FAM114A2: variants seen among roughly 807,000 people sequenced by gnomAD.
The protein encoded by FAM114A2 is protein FAM114A2.
In FAM114A2, 53 loss-of-function variants were observed where a neutral mutation model predicts 58.4. That is an observed-to-expected ratio of 0.91 (90% CI 0.73 to 1.14). The LOEUF is 1.14. Ranked by LOEUF, FAM114A2 falls within the 50% of genes most tolerant of loss-of-function variation. FAM114A2 has a pLI of 0.00. For missense variants in FAM114A2, 601 were observed against 581.1 expected (o/e 1.03, Z -0.35); for synonymous variants, 228 against 211.4 (o/e 1.08, Z -0.68).
rs1033579178 is a variant in FAM114A2, at chr5:153,991,265, T to C, written c.*1711A>G. 2.0e-5 allele frequency: 3 copies of C among 152,140 alleles called. No homozygotes were observed. The highest frequency in any genetic ancestry group is 3.2e-3 in the Middle Eastern group (1 of 316). 9.4% of individuals were successfully genotyped at this position (152,140 alleles called of 1,614,324 possible). On this transcript the variant is annotated 3_prime_UTR_variant, in exon 14 of 14. Transcript: ENST00000351797. ...CATTTCTTGAAAGAAAAACCTTAAA[T>C]ACATTTCTAGGTTAAGGATTTAAAG...
At chr5:153,995,226 T>C (rs1769480696) in intron 12 of FAM114A2, 2 of 329,188 alleles carry the variant, frequency 6.1e-6, no homozygotes, top group Non-Finnish European at 5.6e-6. Context: ...TTAAAAAGTA[T>C]CTTCATTTGA....
intron 9 of FAM114A2, among the ~76,000 whole-genome samples, chr5:154,008,441 CA>C (rs1272542138): frequency 6.6e-6 from 1 of 152,052 alleles, no homozygotes; most frequent in Non-Finnish European, 1.5e-5. Flanking sequence ...CAAAATTCTC[CA>C]AAATTTGAAA....
rs751803137 is a variant in FAM114A2 at position 154,033,898 on chromosome 5, A to G, written c.311-15T>C. ...AATGCCTTGTCCTAATGAGAAAAAT[A>G]ACTTTTTTTTTTGCTATTTGTCACC... On this transcript the variant is annotated splice_polypyrimidine_tract_variant and intron_variant, in intron 3 of 13. Coordinates refer to ENST00000351797, the MANE Select transcript of FAM114A2 (RefSeq NM_018691.4). 3 of 1,560,340 alleles carry G rather than the reference A, an allele frequency of 1.9e-6. No homozygotes were observed. Among genetic ancestry groups the G allele is most frequent in the Non-Finnish European group, 2.6e-6 (3 of 1,142,324 alleles).
chr5:154,027,130 T>C, intron 7 of FAM114A2, 46 bp downstream of exon 7: 1 of 1,510,232 alleles, frequency 6.6e-7, no homozygotes, highest in Non-Finnish European at 9.0e-7. Flanking sequence ...TGCAGCATTC[T>C]TTTACTTGAA....
chr5:154,023,798 C>T (rs958718655), intron 8 of FAM114A2, among the ~76,000 whole-genome samples: 4 of 151,696 alleles, frequency 2.6e-5, no homozygotes, highest in Non-Finnish European at 5.9e-5. Context: ...TTGAAAAAAA[C>T]AGAAGACAAA....
intron 8 of FAM114A2, among the ~76,000 whole-genome samples, chr5:154,015,767 GA>G (rs1038362311): frequency 6.6e-6 from 1 of 151,922 alleles, no homozygotes; most frequent in African/African-American, 2.4e-5. Context: ...TCCAAACCAA[GA>G]AGAAATCCCT....
chr5:154,035,004 C>T, intron 1 of FAM114A2, 37 bp from the exon 2 acceptor site: 1 of 1,272,982 alleles, frequency 7.9e-7, no homozygotes, highest in Non-Finnish European at 1.1e-6. Context: ...TTTATATAGG[C>T]TTCTTTGGTA....
chr5:154,015,328 A>ATAGTGCAT (rs2113352430), intron 8 of FAM114A2, among the ~76,000 whole-genome samples: 1 of 152,308 alleles, frequency 6.6e-6, no homozygotes, highest in Admixed American at 6.5e-5. Context: ...CAGCATAAAA[A>ATAGTGCAT]TAGTGCATTA....
In FAM114A2 at chr5:154,002,324, T is replaced by C. The variant is rs749719044; in HGVS notation, c.1183A>G (p.Lys395Glu). Residue 395 changes from lysine to glutamate, a missense_variant, in exon 11 of 14, where the codon AAA (lysine) becomes GAA (glutamate). Transcript: ENST00000351797. ...CCATGCAGAACCAATGCAGCTGTTT[T>C]GTGGAATAGTTCAATTGAGCAGGCA... ...LTACSIELFH[K>E]TAALVLHGRK... is the part of the protein sequence containing the mutation. 8 of 1,614,020 alleles carry C rather than the reference T, an allele frequency of 5.0e-6. No individual in the cohort carries two copies. In the East Asian group the frequency reaches 1.3e-4, roughly 27 times the overall value.
intron 7 of FAM114A2, 117 bp from the exon 8 acceptor site, chr5:154,026,639 C>T: frequency 1.7e-6 from 1 of 592,680 alleles, no homozygotes; most frequent in Non-Finnish European, 2.6e-6. Context: ...GCTCATCAGC[C>T]AGCACAAGTT....
chr5:154,028,285 T>C lies in FAM114A2; in HGVS notation c.496-2A>G. 2.5e-6 allele frequency: 4 copies of C among 1,585,562 alleles called. No individual in the cohort carries two copies. The highest frequency in any genetic ancestry group is 3.4e-6 in the Non-Finnish European group (4 of 1,159,918). The stretch of plus-strand genomic sequence containing the variant: ...ACCCCCACTTATAACACTCTTTCCC[T>C]AGAAAATACATGCAACCTCATTACA... On this transcript the variant is annotated splice_acceptor_variant, in intron 5 of 13. Transcript: ENST00000351797. LOFTEE classifies it high-confidence loss of function.
At chr5:154,001,318 G>A (rs959695780) in intron 11 of FAM114A2, among the ~76,000 whole-genome samples, 1 of 152,210 alleles carries the variant, frequency 6.6e-6, no homozygotes, top group Non-Finnish European at 1.5e-5. Context: ...TTGTGGTGAA[G>A]GAAGGCTTTT....
chr5:154,036,596 C>G (rs1204877143), intron 1 of FAM114A2: 1 of 152,134 alleles, frequency 6.6e-6, no homozygotes, highest in Non-Finnish European at 1.5e-5. Flanking sequence ...AGCACTATAA[C>G]AGGTGCTGCA....
At position 153,994,943 on chromosome 5, in the gene FAM114A2, T is replaced by C. The variant is rs753821926; in HGVS notation, c.1359A>G (p.Pro453=). The C allele has an allele frequency of 3.1e-6, 5 of 1,608,786 alleles. No individual in the cohort carries two copies. Among genetic ancestry groups the C allele is most frequent in the Middle Eastern group, 1.6e-4 (1 of 6,064 alleles). The part of the protein sequence containing the change: ...GVKEMADVLN[P]LITAVFLEAS... Reference sequence around the variant, plus strand: ...CCTCTAGAAATACTGCAGTGATTAATGGGTTAAGGACATCTGCCATTTCTT... The same window carrying C: ...CCTCTAGAAATACTGCAGTGATTAACGGGTTAAGGACATCTGCCATTTCTT... Residue 453 remains proline (P), a synonymous_variant, in exon 13 of 14, where the codon CCA becomes CCG. Transcript: ENST00000351797.
chr5:154,023,017 T>C (rs751090624), intron 8 of FAM114A2, among the ~76,000 whole-genome samples: 9 of 152,166 alleles, frequency 5.9e-5, no homozygotes, highest in African/African-American at 2.2e-4. Flanking sequence ...ACCATCATTC[T>C]GAGCAAACTA....
chr5:154,034,360 A>C lies in FAM114A2; in HGVS notation c.228T>G (p.Asp76Glu), dbSNP rs1343482293. 3 of 1,578,208 alleles carry C rather than the reference A, an allele frequency of 1.9e-6. No homozygotes were observed. The highest frequency in any genetic ancestry group is 3.8e-5 in the Admixed American group (2 of 53,322). The change falls in exon 3 of 14, where the codon GAT becomes GAG. Residue 76 changes from aspartate to glutamate, a missense_variant. Asp to Glu is a conservative substitution (Grantham distance 45). Transcript: ENST00000351797. ...AATAACCCCATCTGGTCTGGGGTAC[A>C]TCTTTGGAAACATTATCCTAATTTC... is the stretch of plus-strand genomic sequence containing the variant. ...VLPIQDNVSK[D>E]VPQTRWGYWG... is the part of the protein sequence containing the mutation.
intron 8 of FAM114A2, among the ~76,000 whole-genome samples, chr5:154,013,734 C>A (rs568614136): frequency 6.6e-6 from 1 of 152,150 alleles, no homozygotes; most frequent in African/African-American, 2.4e-5. Context: ...ACTGTCATGT[C>A]AAGGCTTGAT....
intron 8 of FAM114A2, among the ~76,000 whole-genome samples, chr5:154,024,457 A>G (rs2113430496): frequency 6.6e-6 from 1 of 152,308 alleles, no homozygotes. Flanking sequence ...ATCAGGGTTG[A>G]ATCTCTTTAA....
At chr5:154,000,845 A>G (rs936116265) in intron 11 of FAM114A2, among the ~76,000 whole-genome samples, 1 of 152,202 alleles carries the variant, frequency 6.6e-6, no homozygotes, top group African/African-American at 2.4e-5. Flanking sequence ...AATACCCTAC[A>G]TTCCATTTAG....
Sources: allele counts gnomAD v4.1 joint callset (sites outside exome capture counted in the v4.1 genomes callset), GRCh38; gene constraint gnomAD v4.1.1; transcripts MANE v1.5; gene names NCBI Gene and HGNC (gene_info 2026-07-23, HGNC 2026-07-21).